Variants in CRYZL1 observed in about 807,000 individuals in gnomAD.
CRYZL1 encodes ferry endosomal RAB5 effector complex subunit 4.
In CRYZL1, 34 loss-of-function variants were observed where a neutral mutation model predicts 50.6. That is an observed-to-expected ratio of 0.67 (90% CI 0.51 to 0.89). The LOEUF (loss-of-function observed/expected upper bound fraction) is 0.89, where lower values mean the gene tolerates loss of function less well. CRYZL1 is among the 40% of genes least tolerant of loss of function. The probability of loss-of-function intolerance (pLI) is 0.00; values close to 1 mark genes in which losing one functional copy is unlikely to be tolerated. For missense variants in CRYZL1, 354 were observed against 402.3 expected, an observed-to-expected ratio of 0.88 and a Z score of 1.03; for synonymous variants, 125 against 134.3, an observed-to-expected ratio of 0.93 and a Z score of 0.48.
chr21:33,611,344 C>T (rs2086871436), intron 6 of CRYZL1, among the ~76,000 whole-genome samples: 1 of 152,140 alleles, frequency 6.6e-6, no homozygotes, highest in African/African-American at 2.4e-5. Flanking sequence ...CCAATAAGTG[C>T]AGCCCTCAGA....
intron 4 of CRYZL1, among the ~76,000 whole-genome samples, chr21:33,619,891 A>C (rs976715413): frequency 1.3e-5 from 2 of 152,164 alleles, no homozygotes; most frequent in Non-Finnish European, 2.9e-5. Flanking sequence ...TGATTTGGAC[A>C]TCTTACTCCA....
At chr21:33,600,760 G>A (rs1415499333) in intron 8 of CRYZL1, among the ~76,000 whole-genome samples, 1 of 150,752 alleles carries the variant, frequency 6.6e-6, no homozygotes, top group Non-Finnish European at 1.5e-5. Context: ...CGAGTAGCTG[G>A]GACTACAGGT....
chr21:33,634,285 T>C (rs1425478733), intron 1 of CRYZL1, among the ~76,000 whole-genome samples: 1 of 152,138 alleles, frequency 6.6e-6, no homozygotes, highest in Non-Finnish European at 1.5e-5. Context: ...ATACTCTCTC[T>C]CCCTACTCTA....
Position 33,602,312 on chromosome 21 carries a change from G to C in CRYZL1, c.499C>G (p.His167Asp). The C allele has an allele frequency of 1.9e-6, 3 of 1,610,938 alleles. No individual in the cohort carries two copies. The highest frequency in any genetic ancestry group is 2.5e-6 in the Non-Finnish European group (3 of 1,177,120). Reference sequence around the variant, plus strand: ...GTTGAAATCACTTTGGCTCCTCTATGATGTGCTAACTGAATAGCTATTGTA... The same window carrying C: ...GTTGAAATCACTTTGGCTCCTCTATCATGTGCTAACTGAATAGCTATTGTA... The part of the protein sequence containing the change: ...FGTIAIQLAH[H>D]RGAKVISTAC... The change falls in exon 8 of 13, where the codon CAT (histidine) becomes GAT (aspartate). Residue 167 changes from histidine to aspartate, a missense_variant. By Grantham distance (81) the His-to-Asp change is moderately conservative (BLOSUM62 -1). Transcript: ENST00000381554.
Position 33,622,007 on chromosome 21 carries a change from A to G in CRYZL1, c.206T>C (p.Ile69Thr), listed in dbSNP as rs1486748185. ...LFPVGREIAGIVLDVGSKVSF... is the reference protein window; with the variant it reads ...LFPVGREIAGTVLDVGSKVSF... ...ATCTGTATACTTACCATCTAATACA[A>G]TTCCAGCAATTTCTCTCCCAACAGG... The change falls in exon 4 of 13, where the codon ATT (isoleucine) becomes ACT (threonine). Residue 69 changes from isoleucine (I) to threonine (T), a missense_variant. Transcript: ENST00000381554. The G allele has an allele frequency of 6.2e-7, 1 of 1,608,654 alleles. No homozygotes were observed. Among genetic ancestry groups the G allele is most frequent in the African/African-American group, 1.3e-5 (1 of 74,840 alleles).
intron 2 of CRYZL1, among the ~76,000 whole-genome samples, chr21:33,630,958 TAG>T (rs958205143): frequency 2.0e-5 from 3 of 152,082 alleles, no homozygotes; most frequent in African/African-American, 2.4e-5. Flanking sequence ...TGCATAGACG[TAG>T]AGAGTCCAAT....
intron 8 of CRYZL1, among the ~76,000 whole-genome samples, chr21:33,601,766 A>G (rs2086758913): frequency 6.6e-6 from 1 of 151,922 alleles, no homozygotes; most frequent in African/African-American, 2.4e-5. Flanking sequence ...AAATACAAAA[A>G]ATTAGCTGGG....
intron 8 of CRYZL1, 101 bp downstream of exon 8, chr21:33,602,133 C>T: frequency 1.5e-6 from 1 of 688,370 alleles, no homozygotes; most frequent in South Asian, 1.7e-5. Flanking sequence ...AGCCACTGCA[C>T]CTGGCCAGGG....
intron 2 of CRYZL1, among the ~76,000 whole-genome samples, chr21:33,627,728 T>C (rs1046255920): frequency 2.7e-5 from 4 of 149,400 alleles, no homozygotes; most frequent in African/African-American, 9.8e-5. Flanking sequence ...CCATTTCACA[T>C]ATGAGACATG....
At chr21:33,621,946 T>A in intron 4 of CRYZL1, 50 bp downstream of exon 4, 1 of 1,290,630 alleles carries the variant, frequency 7.7e-7, no homozygotes, top group Non-Finnish European at 1.1e-6. Flanking sequence ...CTACATTTAA[T>A]CTCTTTTACC....
At chr21:33,610,426 G>A (rs543249194) in intron 6 of CRYZL1, among the ~76,000 whole-genome samples, 1 of 152,256 alleles carries the variant, frequency 6.6e-6, no homozygotes, top group East Asian at 1.9e-4. Flanking sequence ...AAAGTGCTGG[G>A]ATTACAGGCA....
intron 8 of CRYZL1, 149 bp downstream of exon 8, chr21:33,602,085 C>T: frequency 7.1e-6 from 4 of 559,898 alleles, no homozygotes; most frequent in Non-Finnish European, 1.3e-5. Flanking sequence ...AGCAATCCTC[C>T]CATCCTGGCT....
At chr21:33,628,603 C>CT (rs35970580) in intron 2 of CRYZL1, among the ~76,000 whole-genome samples, 65 of 120,378 alleles carry the variant, frequency 5.4e-4, no homozygotes, top group East Asian at 3.9e-3. Flanking sequence ...TAATTTCTTT[C>CT]TTTTTTTTTT....
intron 10 of CRYZL1, among the ~76,000 whole-genome samples, chr21:33,596,392 C>T (rs959821546): frequency 6.6e-6 from 1 of 151,514 alleles, no homozygotes; most frequent in Non-Finnish European, 1.5e-5. Flanking sequence ...AATCCCAGCA[C>T]TTTGGGAGGC....
At chr21:33,600,561 A>C (rs1234477619) in intron 8 of CRYZL1, among the ~76,000 whole-genome samples, 4 of 152,056 alleles carry the variant, frequency 2.6e-5, no homozygotes, top group African/African-American at 7.2e-5. Context: ...AAAGCAATCT[A>C]GGAAAGGCAA....
At chr21:33,590,525 C>T (rs2086633675) in intron 12 of CRYZL1, among the ~76,000 whole-genome samples, 1 of 152,194 alleles carries the variant, frequency 6.6e-6, no homozygotes, top group African/African-American at 2.4e-5. Context: ...AAGCAATTCT[C>T]CTGCCCCAGC....
At chr21:33,632,481 G>A (rs918063514) in intron 1 of CRYZL1, among the ~76,000 whole-genome samples, 1 of 151,680 alleles carries the variant, frequency 6.6e-6, no homozygotes, top group African/African-American at 2.4e-5. Context: ...AGGTTCAAGC[G>A]ATCCGCCTGC....
chr21:33,602,202 G>T, intron 8 of CRYZL1, 32 bp downstream of exon 8: 1 of 1,182,358 alleles, frequency 8.5e-7, no homozygotes, highest in Non-Finnish European at 1.3e-6. Context: ...AAAATTTCCT[G>T]TTTTAAAGTC....
chr21:33,632,565 A>T (rs1208646719), intron 1 of CRYZL1, among the ~76,000 whole-genome samples: 1 of 151,662 alleles, frequency 6.6e-6, no homozygotes, highest in Non-Finnish European at 1.5e-5. Context: ...TTTAGTACAG[A>T]TGGGGATTCA....
Sources: gnomAD v4.1 joint callset for allele counts (sites outside exome capture counted in the v4.1 genomes callset) on GRCh38, gnomAD v4.1.1 for gene constraint, MANE v1.5 for transcripts, NCBI Gene and HGNC (gene_info 2026-07-23, HGNC 2026-07-21) for gene names.